Variants in WNK1 observed in about 807,000 individuals in gnomAD.
WNK1 encodes WNK lysine deficient protein kinase 1, also known as serine/threonine-protein kinase WNK1.
WNK1 carries 38 observed loss-of-function variants against 222.8 expected under a neutral mutation model. The observed-to-expected ratio is 0.17, with a 90% CI of 0.13 to 0.22. WNK1 has a LOEUF of 0.22. Ranked by LOEUF, WNK1 falls within the 10% of genes least tolerant of loss-of-function variation. The pLI, the probability that WNK1 is intolerant of heterozygous loss-of-function variation, is 1.00. For missense variants in WNK1, 2,348 were observed against 2,918.4 expected, an observed-to-expected ratio of 0.80 and a Z score of 4.50; for synonymous variants, 1,090 against 1,092.9, an observed-to-expected ratio of 1.00 and a Z score of 0.05.
chr12:868,440 C>G lies in WNK1; in HGVS notation c.2140-2825C>G, dbSNP rs369146236. ...GTCTTTGAATTTCCATCTGGACAGG[C>G]TTTCCTGGTAGGACACCTTCAGAAT... On this transcript the variant is annotated intron_variant, in intron 8 of 27. Coordinates refer to ENST00000315939, the MANE Select transcript of WNK1 (RefSeq NM_018979.4). 2 of 1,613,818 alleles carry G rather than the reference C, an allele frequency of 1.2e-6. No homozygotes were observed. Among genetic ancestry groups the G allele is most frequent in the African/African-American group, 1.3e-5 (1 of 74,910 alleles).
At chr12:842,513 C>A (rs1415724848) in intron 4 of WNK1, among the ~76,000 whole-genome samples, 3 of 152,006 alleles carry the variant, frequency 2.0e-5, no homozygotes, top group Non-Finnish European at 4.4e-5. Context: ...GGTATTTCCC[C>A]TTAATTTTTA....
intron 8 of WNK1, among the ~76,000 whole-genome samples, chr12:866,522 C>G (rs899022647): frequency 6.6e-6 from 1 of 152,104 alleles, no homozygotes; most frequent in African/African-American, 2.4e-5. Context: ...GCCACCACAC[C>G]CAGCTAATTT....
intron 1 of WNK1, among the ~76,000 whole-genome samples, chr12:766,634 A>G (rs1488790929): frequency 6.8e-6 from 1 of 146,874 alleles, no homozygotes; most frequent in African/African-American, 2.5e-5. Flanking sequence ...GCGCACCACC[A>G]TGCCCAGCTA....
rs760802641 is a variant in WNK1, at chr12:880,916, G to A, written c.3028G>A (p.Val1010Ile). 5 of 1,614,088 alleles carry A rather than the reference G, an allele frequency of 3.1e-6. No homozygotes were observed. Among genetic ancestry groups the A allele is most frequent in the African/African-American group, 1.3e-5 (1 of 74,930 alleles). The change falls in exon 12 of 28, where the codon GTA becomes ATA. Residue 1010 changes from valine to isoleucine, a missense_variant. Val to Ile is a conservative substitution (Grantham distance 29). Coordinates refer to ENST00000315939, the MANE Select transcript of WNK1 (RefSeq NM_018979.4). The part of the protein sequence containing the change: ...ESNLLVPMGG[V>I]GGQVQVSQPG... Reference sequence around the variant, plus strand: ...AAATCTTTTAGTTCCTATGGGTGGTGTAGGAGGACAGGTTCAAGTGTCCCA... The same window carrying A: ...AAATCTTTTAGTTCCTATGGGTGGTATAGGAGGACAGGTTCAAGTGTCCCA...
At chr12:809,699 A>T (rs1946733234) in intron 1 of WNK1, among the ~76,000 whole-genome samples, 1 of 152,220 alleles carries the variant, frequency 6.6e-6, no homozygotes, top group South Asian at 2.1e-4. Flanking sequence ...AGTTACCTAC[A>T]GTTAATACTT....
intron 22 of WNK1, among the ~76,000 whole-genome samples, chr12:891,063 AAAT>A (rs1189010079): frequency 6.6e-6 from 1 of 152,242 alleles, no homozygotes; most frequent in African/African-American, 2.4e-5. Context: ...TGTACAATGA[AAAT>A]AATAAAGATT....
At chr12:832,321 C>T (rs1282251574) in intron 4 of WNK1, among the ~76,000 whole-genome samples, 1 of 152,074 alleles carries the variant, frequency 6.6e-6, no homozygotes, top group African/African-American at 2.4e-5. Flanking sequence ...GTGATCTGCC[C>T]ACCTCTGCCT....
rs576710129 is a variant in WNK1, at chr12:775,756, T to C, written c.759+21432T>C. Among the ~76,000 whole-genome samples, 5 of 152,312 alleles carry C rather than the reference T, an allele frequency of 3.3e-5. No homozygotes were observed. In the East Asian group the frequency reaches 7.7e-4, roughly 23 times the overall value. ...AAAAGGGTGGCGATTTGATACTATT[T>C]ATGAACCAGACACTGTGTTTTATAT... On this transcript the variant is annotated intron_variant, in intron 1 of 27. Transcript: ENST00000315939.
intron 4 of WNK1, among the ~76,000 whole-genome samples, chr12:832,270 T>C (rs1948859008): frequency 6.6e-6 from 1 of 152,098 alleles, no homozygotes; most frequent in African/African-American, 2.4e-5. Context: ...AGAGATGGGG[T>C]TTCACTGTGT....
At chr12:780,080 G>A (rs567525718) in intron 1 of WNK1, among the ~76,000 whole-genome samples, 1 of 152,256 alleles carries the variant, frequency 6.6e-6, no homozygotes, top group South Asian at 2.1e-4. Flanking sequence ...AGAAATATGA[G>A]TTTATTATGG....
chr12:903,930 G>A (rs1188003100), intron 26 of WNK1, among the ~76,000 whole-genome samples: 4 of 152,192 alleles, frequency 2.6e-5, no homozygotes, highest in Admixed American at 6.6e-5. Context: ...ATTCTGGAAG[G>A]GAAGGGGTTA....
chr12:794,229 A>G (rs1945101305), intron 1 of WNK1, among the ~76,000 whole-genome samples: 1 of 152,192 alleles, frequency 6.6e-6, no homozygotes, highest in African/African-American at 2.4e-5. Context: ...TTCATTTATA[A>G]GGTTTTATAT....
intron 1 of WNK1, among the ~76,000 whole-genome samples, chr12:804,529 C>T (rs1301685237): frequency 2.6e-5 from 4 of 151,888 alleles, no homozygotes; most frequent in Non-Finnish European, 2.9e-5. Context: ...CCCGCTGCCA[C>T]GCCCAGCTAA....
intron 6 of WNK1, 109 bp downstream of exon 6, chr12:859,573 C>A: frequency 1.3e-6 from 1 of 790,936 alleles, no homozygotes. Context: ...ATCCCATTGA[C>A]ATAAAATTGT....
intron 1 of WNK1, among the ~76,000 whole-genome samples, chr12:767,136 A>G (rs986855178): frequency 3.3e-5 from 5 of 151,182 alleles, no homozygotes; most frequent in African/African-American, 1.2e-4. Context: ...GCTCTCTTAC[A>G]CCAGGGGTAA....
intron 1 of WNK1, among the ~76,000 whole-genome samples, chr12:808,313 G>C (rs1307878832): frequency 3.3e-5 from 5 of 151,702 alleles, no homozygotes; most frequent in Non-Finnish European, 7.4e-5. Flanking sequence ...TTTTGGAGAC[G>C]GGGTTTTGCT....
At chr12:788,566 A>G (rs1370618377) in intron 1 of WNK1, among the ~76,000 whole-genome samples, 1 of 152,208 alleles carries the variant, frequency 6.6e-6, no homozygotes, top group Admixed American at 6.5e-5. Flanking sequence ...TATCTGAAAT[A>G]TGTTACATAT....
At chr12:865,144 C>T in intron 8 of WNK1, 3 of 1,532,070 alleles carry the variant, frequency 2.0e-6, no homozygotes, top group Non-Finnish European at 1.7e-6. Context: ...GTTTGTGTTC[C>T]CATCTTTCTG....
At chr12:860,336 A>G (rs774197516) in intron 6 of WNK1, among the ~76,000 whole-genome samples, 26 of 152,236 alleles carry the variant, frequency 1.7e-4, no homozygotes, top group Non-Finnish European at 2.9e-4. Context: ...AAGTATGTCT[A>G]AAAGATCACT....
Sources: gnomAD v4.1 joint callset for allele counts (sites outside exome capture counted in the v4.1 genomes callset) on GRCh38, gnomAD v4.1.1 for gene constraint, MANE v1.5 for transcripts, NCBI Gene and HGNC (gene_info 2026-07-23, HGNC 2026-07-21) for gene names.